The following WNK1 variants were observed in gnomAD, a reference collection of about 807,000 sequenced individuals.
WNK1 encodes serine/threonine-protein kinase WNK1.
In WNK1, 38 loss-of-function variants were observed where a neutral mutation model predicts 222.8. The observed-to-expected ratio is 0.17, with a 90% CI of 0.13 to 0.22. The LOEUF is 0.22. WNK1 is among the 10% of genes least tolerant of loss of function. The probability of loss-of-function intolerance (pLI) is 1.00; values close to 1 mark genes in which losing one functional copy is unlikely to be tolerated. For synonymous variants in WNK1, 1,090 were observed against 1,092.9 expected, an observed-to-expected ratio of 1.00 and a Z score of 0.05; for missense variants, 2,348 against 2,918.4, an observed-to-expected ratio of 0.80 and a Z score of 4.50.
In WNK1 at chr12:887,233, G is replaced by A; in HGVS notation, c.5293G>A (p.Gly1765Ser). 6.2e-7 allele frequency: 1 copy of A among 1,614,136 alleles called. No homozygotes were observed. Among genetic ancestry groups the A allele is most frequent in the Non-Finnish European group, 8.5e-7 (1 of 1,180,008 alleles). ...PLTKAPVLPV[G>S]TELPAGTLPS... ...TTGTTGTCTGTAGGTGCTGCCAGTG[G>A]GTACTGAACTTCCAGCAGGTACTCT... Residue 1765 changes from glycine (G) to serine (S), a missense_variant, in exon 20 of 28, where the codon GGT (glycine) becomes AGT (serine). By Grantham distance (56) the Gly-to-Ser change is moderately conservative. Transcript: ENST00000315939.
Position 836,623 on chromosome 12 carries a change from T to C in WNK1, c.1311+6463T>C, listed in dbSNP as rs191005733. On this transcript the variant is annotated intron_variant, in intron 4 of 27. Transcript: ENST00000315939. ...ATTCAAGGAATTTTATTTTTAAAAATGCCTCCAACTTTTCAATAAAAAAGT... is the reference window on the plus strand; with the variant it reads ...ATTCAAGGAATTTTATTTTTAAAAACGCCTCCAACTTTTCAATAAAAAAGT... 1.2e-3 allele frequency among the ~76,000 whole-genome samples: 182 copies of C among 152,318 alleles called. 2 individuals are homozygous for C. Among genetic ancestry groups the C allele is most frequent in the Non-Finnish European group, 5.3e-4 (36 of 68,012 alleles).
At chr12:781,073 A>G (rs1943644682) in intron 1 of WNK1, 1 of 152,438 alleles carries the variant, frequency 6.6e-6, no homozygotes, top group Non-Finnish European at 1.5e-5. Flanking sequence ...CCTTACTAGC[A>G]ATGAGCTGTT....
chr12:864,110 G>GTTTTTTTTTTTTTTTT lies in WNK1; in HGVS notation c.2139+1842_2139+1857dup, dbSNP rs372936466. 5.1e-3 allele frequency among the ~76,000 whole-genome samples: 632 copies of GTTTTTTTTTTTTTTTT among 124,510 alleles called. 33 individuals are homozygous for GTTTTTTTTTTTTTTTT. Among genetic ancestry groups the GTTTTTTTTTTTTTTTT allele is most frequent in the African/African-American group, 0.018 (592 of 33,064 alleles). 81.7% of individuals were successfully genotyped at this position (124,510 alleles called of 152,430 possible). A position where few individuals can be genotyped will look rare whatever the true frequency, so the allele number is the denominator to read the frequency against. On this transcript the variant is annotated intron_variant, in intron 8 of 27. Coordinates refer to ENST00000315939, the MANE Select transcript of WNK1 (RefSeq NM_018979.4). ...ACCCTGTGCCTGAACATTTTTTTAA[G>GTTTTTTTTTTTTTTTT]TTTTTTTTTTTTTTTTTGACAGCGT... is the stretch of plus-strand genomic sequence containing the variant.
intron 1 of WNK1, among the ~76,000 whole-genome samples, chr12:758,508 C>G (rs1940547172): frequency 7.0e-6 from 1 of 142,794 alleles, no homozygotes; most frequent in African/African-American, 2.5e-5. Context: ...CTGCCTCAGC[C>G]TCCCGAGTAG....
At chr12:857,965 C>G (rs1950913188) in intron 5 of WNK1, among the ~76,000 whole-genome samples, 1 of 152,212 alleles carries the variant, frequency 6.6e-6, no homozygotes, top group Non-Finnish European at 1.5e-5. Context: ...TAATCTACCA[C>G]TTGAAGAATG....
chr12:904,595 C>T, intron 26 of WNK1: 1 of 736,862 alleles, frequency 1.4e-6, no homozygotes, highest in Non-Finnish European at 2.1e-6. Flanking sequence ...TCCTAACTTC[C>T]ATCTATCTCT....
At chr12:767,312 G>T (rs555580125) in intron 1 of WNK1, among the ~76,000 whole-genome samples, 1 of 133,550 alleles carries the variant, frequency 7.5e-6, no homozygotes, top group Non-Finnish European at 1.5e-5. Context: ...GAGCGCAGTG[G>T]TGCAGTCTTG....
At chr12:886,594 T>C (rs959577897) in intron 19 of WNK1, among the ~76,000 whole-genome samples, 8 of 152,174 alleles carry the variant, frequency 5.3e-5, no homozygotes, top group Non-Finnish European at 1.0e-4. Flanking sequence ...TAACTAAAAT[T>C]TATTATCTAA....
chr12:887,013 A>G (rs908513291), intron 19 of WNK1, among the ~76,000 whole-genome samples: 3 of 152,206 alleles, frequency 2.0e-5, no homozygotes, highest in African/African-American at 7.2e-5. Flanking sequence ...TTTTATAGGT[A>G]TATCGTAGTA....
At position 827,065 on chromosome 12, in the gene WNK1, T is replaced by A; in HGVS notation, c.956T>A (p.Met319Lys). Residue 319 changes from methionine to lysine, a missense_variant, in exon 3 of 28, where the codon ATG becomes AAG. Physicochemically the swap from Met to Lys is moderately conservative, Grantham distance 95. Coordinates refer to ENST00000315939, the MANE Select transcript of WNK1 (RefSeq NM_018979.4). The surrounding 1 kb of genome is among the most constrained non-coding windows in gnomAD (Gnocchi z 4.6). ...AGGTATCTGAAAAGGTTTAAAGTGATGAAGATCAAAGTTCTAAGAAGCTGG... is the reference window on the plus strand; with the variant it reads ...AGGTATCTGAAAAGGTTTAAAGTGAAGAAGATCAAAGTTCTAAGAAGCTGG... The part of the protein sequence containing the change: ...LKTYLKRFKV[M>K]KIKVLRSWCR... The A allele has an allele frequency of 6.2e-7, 1 of 1,613,720 alleles. No homozygotes were observed. The highest frequency in any genetic ancestry group is 8.5e-7 in the Non-Finnish European group (1 of 1,180,020).
rs1478319114 is a variant in WNK1, at chr12:883,497, G to A, written c.3592G>A (p.Val1198Met). The change falls in exon 16 of 28, where the codon GTG becomes ATG. Residue 1198 changes from valine (V) to methionine (M), a missense_variant. By Grantham distance (21) the Val-to-Met change is conservative. Coordinates refer to ENST00000315939, the MANE Select transcript of WNK1 (RefSeq NM_018979.4). ...ADEMLSEDVS[V>M]EPEGDQGLES... ...TGAAATGCTCAGTGAGGATGTCAGT[G>A]TGGAACCAGAGGGTGATCAGGGATT... 3 of 1,614,012 alleles carry A rather than the reference G, an allele frequency of 1.9e-6. No homozygotes were observed. The highest frequency in any genetic ancestry group is 1.7e-5 in the Admixed American group (1 of 59,998).
intron 2 of WNK1, among the ~76,000 whole-genome samples, chr12:816,446 A>C (rs1382886650): frequency 6.8e-6 from 1 of 147,028 alleles, no homozygotes; most frequent in Non-Finnish European, 1.5e-5. Flanking sequence ...ATAAAAAAAC[A>C]ATTTTTTTTT....
intron 1 of WNK1, among the ~76,000 whole-genome samples, chr12:774,059 G>A (rs1942844152): frequency 6.6e-6 from 1 of 152,028 alleles, no homozygotes; most frequent in Admixed American, 6.6e-5. Flanking sequence ...AATCCTTGGT[G>A]AGCTTCTTAC....
intron 14 of WNK1, among the ~76,000 whole-genome samples, chr12:882,389 G>A (rs1953251536): frequency 6.6e-6 from 1 of 151,956 alleles, no homozygotes; most frequent in African/African-American, 2.4e-5. Flanking sequence ...AGTAGAGACA[G>A]GGTTTCACCA....
At chr12:901,433 C>A (rs1481001138) in intron 26 of WNK1, 3 of 461,554 alleles carry the variant, frequency 6.5e-6, no homozygotes, top group Non-Finnish European at 1.0e-5. Flanking sequence ...ACCTTCCCCC[C>A]AGAAGCTTGT....
chr12:758,115 T>C (rs1273010946), intron 1 of WNK1, among the ~76,000 whole-genome samples: 2 of 145,858 alleles, frequency 1.4e-5, no homozygotes, highest in Admixed American at 1.4e-4. Context: ...TTAAGCACCT[T>C]CCCAAGTTGC....
intron 1 of WNK1, among the ~76,000 whole-genome samples, chr12:804,762 G>T (rs755903718): frequency 6.6e-6 from 1 of 151,844 alleles, no homozygotes; most frequent in Non-Finnish European, 1.5e-5. Flanking sequence ...TTCTGTCTCT[G>T]TGAATTTGCA....
chr12:845,661 GA>G (rs1565510640), intron 4 of WNK1, among the ~76,000 whole-genome samples: 2 of 152,298 alleles, frequency 1.3e-5, no homozygotes, highest in Middle Eastern at 3.4e-3. Context: ...GATTAAATGA[GA>G]AAGGCAAAGT....
At chr12:837,300 G>T (rs114405196) in intron 4 of WNK1, among the ~76,000 whole-genome samples, 124 of 152,306 alleles carry the variant, frequency 8.1e-4, no homozygotes, top group African/African-American at 2.9e-3. Context: ...AGGGCTGGGC[G>T]CAGTGGCTCA....
Sources: gnomAD v4.1 joint callset for allele counts (sites outside exome capture counted in the v4.1 genomes callset) on GRCh38, gnomAD v4.1.1 for gene constraint, Gnocchi (gnomAD v3.1) non-coding constraint, MANE v1.5 for transcripts, NCBI Gene and HGNC (gene_info 2026-07-23, HGNC 2026-07-21) for gene names.